GREM2: variants seen among roughly 807,000 people sequenced by gnomAD.
The protein encoded by GREM2 is gremlin 2, DAN family BMP antagonist.
A neutral mutation model predicts 14.2 loss-of-function variants in GREM2; 11 were observed. The observed-to-expected ratio is 0.78, with a 90% CI of 0.49 to 1.28. GREM2 has a LOEUF of 1.28. Among genes scored for constraint, GREM2 ranks in the 50% most tolerant of loss-of-function variants. The probability of loss-of-function intolerance (pLI) is 0.00; values close to 1 mark genes in which losing one functional copy is unlikely to be tolerated. For missense variants in GREM2, 210 were observed against 218.5 expected (o/e 0.96, Z 0.24); for synonymous variants, 98 against 97.6 (o/e 1.00, Z -0.02).
Position 240,490,645 on chromosome 1 carries a change from T to A in GREM2, c.*2324A>T, listed in dbSNP as rs898081384. 2.0e-5 allele frequency: 3 copies of A among 152,572 alleles called. No homozygotes were observed. Among genetic ancestry groups the A allele is most frequent in the Non-Finnish European group, 4.4e-5 (3 of 68,042 alleles). The allele number at this position is 152,572 out of a possible 1,614,324, so 9.5% of individuals were successfully genotyped here. A position where few individuals can be genotyped will look rare whatever the true frequency, so the allele number is the denominator to read the frequency against. ...TATAAGGTAAACTTTGTACATACGA[T>A]AACCCCAGAAGGAGCTTCACACTGC... On this transcript the variant is annotated 3_prime_UTR_variant, in exon 2 of 2. Transcript: ENST00000318160.
chr1:240,557,674 G>A (rs1678976301), intron 1 of GREM2, among the ~76,000 whole-genome samples: 1 of 151,524 alleles, frequency 6.6e-6, no homozygotes, highest in Non-Finnish European at 1.5e-5. Context: ...ACCCTTTTTG[G>A]GGAAGCTACT....
intron 1 of GREM2, among the ~76,000 whole-genome samples, chr1:240,517,757 A>G (rs1677983405): frequency 6.6e-6 from 1 of 152,182 alleles, no homozygotes; most frequent in Admixed American, 6.5e-5. Flanking sequence ...GGGGATAAAT[A>G]TATGAGTCTG....
chr1:240,546,986 A>G (rs1678739449), intron 1 of GREM2, among the ~76,000 whole-genome samples: 1 of 152,212 alleles, frequency 6.6e-6, no homozygotes, highest in Non-Finnish European at 1.5e-5. Flanking sequence ...AATTCAGACA[A>G]GAGAGAAGAC....
At chr1:240,571,766 TC>T (rs1197700681) in intron 1 of GREM2, among the ~76,000 whole-genome samples, 1 of 152,112 alleles carries the variant, frequency 6.6e-6, no homozygotes, top group Admixed American at 6.5e-5. Context: ...GTATGGTAAT[TC>T]TTGCCTTATG....
At chr1:240,549,249 T>A (rs1033130782) in intron 1 of GREM2, among the ~76,000 whole-genome samples, 5 of 151,618 alleles carry the variant, frequency 3.3e-5, no homozygotes, top group Admixed American at 2.0e-4. Context: ...GGCAGGAGAA[T>A]TGCTTGAACC....
At chr1:240,525,930 A>G (rs766502876) in intron 1 of GREM2, among the ~76,000 whole-genome samples, 1 of 152,158 alleles carries the variant, frequency 6.6e-6, no homozygotes, top group Non-Finnish European at 1.5e-5. Context: ...AGTTGTGTAC[A>G]TTGATTGGCT....
intron 1 of GREM2, among the ~76,000 whole-genome samples, chr1:240,578,698 C>G (rs1572407812): frequency 6.6e-6 from 1 of 151,894 alleles, no homozygotes; most frequent in East Asian, 2.0e-4. Flanking sequence ...GCAGGAAATT[C>G]ACTTGAACCT....
At chr1:240,586,989 A>C (rs1213478520) in intron 1 of GREM2, among the ~76,000 whole-genome samples, 1 of 152,168 alleles carries the variant, frequency 6.6e-6, no homozygotes, top group Non-Finnish European at 1.5e-5. Flanking sequence ...AAATATATAT[A>C]ACATACATTA....
intron 1 of GREM2, among the ~76,000 whole-genome samples, chr1:240,583,837 C>T (rs1235835644): frequency 6.6e-6 from 1 of 151,976 alleles, no homozygotes; most frequent in Non-Finnish European, 1.5e-5. Context: ...CTCTTGACCT[C>T]GTGATCTGCC....
chr1:240,590,466 A>G lies in GREM2; in HGVS notation c.-2+21418T>C, dbSNP rs1415011749. On this transcript the variant is annotated intron_variant, in intron 1 of 1. Transcript: ENST00000318160. Reference sequence around the variant, plus strand: ...TTTTTTGAGATAGAGTTTCGTTCTTATGGTCCAAGCTGGAATGTAATGGGG... The same window carrying G: ...TTTTTTGAGATAGAGTTTCGTTCTTGTGGTCCAAGCTGGAATGTAATGGGG... 2.5e-5 allele frequency among the ~76,000 whole-genome samples: 3 copies of G among 121,598 alleles called. No homozygotes were observed. In the South Asian group the frequency reaches 7.4e-4, roughly 30 times the overall value. 79.8% of individuals were successfully genotyped at this position (121,598 alleles called of 152,430 possible).
intron 1 of GREM2, among the ~76,000 whole-genome samples, chr1:240,501,534 G>A (rs1677568641): frequency 6.6e-6 from 1 of 152,240 alleles, no homozygotes; most frequent in South Asian, 2.1e-4. Context: ...AAATTGTTGG[G>A]ATAAATTCAG....
At chr1:240,579,582 A>G (rs548075399) in intron 1 of GREM2, among the ~76,000 whole-genome samples, 3 of 152,288 alleles carry the variant, frequency 2.0e-5, no homozygotes, top group Non-Finnish European at 4.4e-5. Flanking sequence ...GGGAAAGCAA[A>G]GGTGTTTCGT....
intron 1 of GREM2, among the ~76,000 whole-genome samples, chr1:240,589,640 T>C (rs528864926): frequency 6.6e-5 from 10 of 152,120 alleles, no homozygotes; most frequent in Non-Finnish European, 1.3e-4. Context: ...GGAGATCCCA[T>C]TGTTCATGAT....
chr1:240,537,520 G>A (rs188047709), intron 1 of GREM2, among the ~76,000 whole-genome samples: 22 of 152,164 alleles, frequency 1.4e-4, no homozygotes, highest in Middle Eastern at 6.8e-3. Flanking sequence ...GGCCGGGCAC[G>A]GTGGCTGTAA....
chr1:240,504,874 T>G (rs187928496), intron 1 of GREM2, among the ~76,000 whole-genome samples: 1 of 152,318 alleles, frequency 6.6e-6, no homozygotes, highest in African/African-American at 2.4e-5. Context: ...TTGTATTATA[T>G]TCTATTTATG....
chr1:240,563,131 GTGTATGTGTGTGTGTGAGTGTGTA>G (rs1679102138), intron 1 of GREM2, among the ~76,000 whole-genome samples: 2 of 150,398 alleles, frequency 1.3e-5, no homozygotes, highest in African/African-American at 4.9e-5. Flanking sequence ...GAGTGTGTAT[GTGTATGTGTGTGTGTGAGTGTGTA>G]TGTGTGTACG....
intron 1 of GREM2, chr1:240,588,443 T>C (rs552274808): frequency 6.6e-6 from 1 of 152,432 alleles, no homozygotes; most frequent in African/African-American, 2.4e-5. Flanking sequence ...CCTGTGTCTA[T>C]TGCTGCAGAG....
chr1:240,560,684 T>C (rs80230275), intron 1 of GREM2, among the ~76,000 whole-genome samples: 3,613 of 152,272 alleles, frequency 0.024, 71 homozygotes, highest in African/African-American at 0.053. Flanking sequence ...TCTAACCCTC[T>C]TGCTTCCAAT....
In GREM2 at chr1:240,557,194, T is replaced by C. The variant is rs578009358; in HGVS notation, c.-2+54690A>G. ...ATAAAAAAAAAACATAAAATAAATA[T>C]AAAAATTAAGATAAAATAAAATACA... is the stretch of plus-strand genomic sequence containing the variant. On this transcript the variant is annotated intron_variant, in intron 1 of 1. Transcript: ENST00000318160. 9.2e-4 allele frequency among the ~76,000 whole-genome samples: 137 copies of C among 149,688 alleles called. 1 individual carries two copies. The highest frequency in any genetic ancestry group is 3.2e-3 in the African/African-American group (129 of 40,810).
Sources: allele counts gnomAD v4.1 joint callset (sites outside exome capture counted in the v4.1 genomes callset), GRCh38; gene constraint gnomAD v4.1.1; transcripts MANE v1.5; gene names NCBI Gene and HGNC (gene_info 2026-07-23, HGNC 2026-07-21).